The following NTM variants were observed in gnomAD, a reference collection of about 807,000 sequenced individuals.
NTM encodes the protein IgLON family member 2.
NTM carries 13 observed loss-of-function variants against 42.1 expected under a neutral mutation model. That is an observed-to-expected ratio of 0.31 (90% CI 0.20 to 0.49). NTM has a LOEUF of 0.49. Ranked by LOEUF, NTM falls within the 20% of genes least tolerant of loss-of-function variation. The pLI, the probability that NTM is intolerant of heterozygous loss-of-function variation, is 0.99. For missense variants in NTM, 373 were observed against 452.8 expected (o/e 0.82, Z 1.60); for synonymous variants, 187 against 179.2 (o/e 1.04, Z -0.35).
At chr11:131,392,303 A>T (rs1944106592) in intron 1 of NTM, among the ~76,000 whole-genome samples, 1 of 148,298 alleles carries the variant, frequency 6.7e-6, no homozygotes, top group South Asian at 2.1e-4. Flanking sequence ...CCCTGAAGGG[A>T]TGGTAGTCCT....
chr11:131,450,169 T>G (rs902329791), intron 1 of NTM, among the ~76,000 whole-genome samples: 1 of 152,100 alleles, frequency 6.6e-6, no homozygotes, highest in African/African-American at 2.4e-5. Flanking sequence ...AAGACTACAC[T>G]CCCATGTGGG....
At chr11:131,563,709 A>G (rs1368074874) in intron 1 of NTM, among the ~76,000 whole-genome samples, 1 of 151,234 alleles carries the variant, frequency 6.6e-6, no homozygotes, top group Non-Finnish European at 1.5e-5. Flanking sequence ...TAAAAGTTTC[A>G]AACTAATTTA....
At chr11:132,251,543 G>A (rs1478981925) in intron 4 of NTM, among the ~76,000 whole-genome samples, 12 of 152,184 alleles carry the variant, frequency 7.9e-5, no homozygotes, top group Non-Finnish European at 1.5e-4. Flanking sequence ...ATGCGATGAT[G>A]AGCCTACCTA....
chr11:132,241,753 T>A (rs1369661382), intron 4 of NTM, among the ~76,000 whole-genome samples: 1 of 152,238 alleles, frequency 6.6e-6, no homozygotes, highest in Non-Finnish European at 1.5e-5. Context: ...AGTGCACAAT[T>A]ATTTTGCATG....
chr11:131,739,752 G>C (rs915384808), intron 1 of NTM, among the ~76,000 whole-genome samples: 1 of 152,218 alleles, frequency 6.6e-6, no homozygotes. Flanking sequence ...GGACATTCCA[G>C]TGTCACACAA....
At chr11:131,751,414 C>A (rs1268963147) in intron 1 of NTM, among the ~76,000 whole-genome samples, 3 of 152,038 alleles carry the variant, frequency 2.0e-5, no homozygotes, top group Non-Finnish European at 4.4e-5. Context: ...CACGGTGAAA[C>A]CCCGTCTCCA....
chr11:131,570,780 G>A (rs1326987279), intron 1 of NTM, among the ~76,000 whole-genome samples: 1 of 152,194 alleles, frequency 6.6e-6, no homozygotes, highest in East Asian at 1.9e-4. Flanking sequence ...CCAAGATGGC[G>A]CCACTGCACT....
At chr11:131,708,219 T>C (rs1326191189) in intron 1 of NTM, among the ~76,000 whole-genome samples, 3 of 152,096 alleles carry the variant, frequency 2.0e-5, no homozygotes, top group Non-Finnish European at 4.4e-5. Context: ...AAGAACTTCC[T>C]AATAAGAAAA....
At chr11:131,954,140 GA>G (rs1419568677) in intron 2 of NTM, among the ~76,000 whole-genome samples, 3 of 152,238 alleles carry the variant, frequency 2.0e-5, no homozygotes, top group African/African-American at 7.2e-5. Context: ...AACCACCTGA[GA>G]GGATGTCTCC....
At chr11:132,212,834 T>G (rs906898622) in intron 4 of NTM, among the ~76,000 whole-genome samples, 3 of 152,148 alleles carry the variant, frequency 2.0e-5, no homozygotes, top group African/African-American at 7.2e-5. Context: ...AATATTTCAT[T>G]CTTAAATATT....
chr11:132,295,700 T>C (rs1156746680), intron 4 of NTM, among the ~76,000 whole-genome samples: 1 of 152,050 alleles, frequency 6.6e-6, no homozygotes, highest in Non-Finnish European at 1.5e-5. Flanking sequence ...CCAGTGGGTG[T>C]AGGGGGAAGT....
At chr11:131,555,951 T>C (rs1294357317) in intron 1 of NTM, among the ~76,000 whole-genome samples, 1 of 152,154 alleles carries the variant, frequency 6.6e-6, no homozygotes, top group African/African-American at 2.4e-5. Flanking sequence ...ATGCCAACGG[T>C]GCTGCCCTTG....
chr11:131,525,058 G>A (rs4406835), intron 1 of NTM, among the ~76,000 whole-genome samples: 1 of 151,890 alleles, frequency 6.6e-6, no homozygotes, highest in Non-Finnish European at 1.5e-5. Context: ...TAAGGGGGCA[G>A]TAATTACTCA....
chr11:132,095,284 T>C (rs376794266), intron 2 of NTM, among the ~76,000 whole-genome samples: 2 of 152,128 alleles, frequency 1.3e-5, no homozygotes, highest in Admixed American at 6.5e-5. Context: ...AAATCCAGCC[T>C]AGGGCTCTTC....
chr11:131,490,329 A>G (rs1954647410), intron 1 of NTM, among the ~76,000 whole-genome samples: 1 of 152,244 alleles, frequency 6.6e-6, no homozygotes, highest in Non-Finnish European at 1.5e-5. Context: ...GACTTTTGTC[A>G]TGACAGCATG....
chr11:132,062,138 T>C (rs2080780275), intron 2 of NTM, among the ~76,000 whole-genome samples: 1 of 152,172 alleles, frequency 6.6e-6, no homozygotes, highest in Admixed American at 6.5e-5. Flanking sequence ...TTTGCCTCAC[T>C]TGGAAGTAAT....
At position 132,140,801 on chromosome 11, in the gene NTM, G is replaced by C. The variant is rs539728059; in HGVS notation, c.168-5481G>C. ...TGGGTATTTCTGAGCCATTTGCGTC[G>C]TGATGTTCCCCTATGATGCTTGAGG... On this transcript the variant is annotated intron_variant, in intron 2 of 8. Coordinates refer to ENST00000683400, the MANE Select transcript of NTM (RefSeq NM_001352005.2). Among the ~76,000 whole-genome samples the C allele has an allele frequency of 3.3e-5, 5 of 152,324 alleles. No homozygotes were observed. The South Asian group carries it at 1.0e-3, about 32-fold the overall frequency.
intron 4 of NTM, among the ~76,000 whole-genome samples, chr11:132,246,241 C>A (rs1218233410): frequency 2.0e-5 from 3 of 152,376 alleles, no homozygotes; most frequent in African/African-American, 4.8e-5. Context: ...CTCCTCCAAG[C>A]CTGCCCGGTG....
At chr11:131,554,785 C>G (rs927657179) in intron 1 of NTM, among the ~76,000 whole-genome samples, 1 of 152,082 alleles carries the variant, frequency 6.6e-6, no homozygotes, top group Admixed American at 6.5e-5. Flanking sequence ...CCATCCCTTC[C>G]TTTTTGGAGA....
Sources: gnomAD v4.1 joint callset for allele counts (sites outside exome capture counted in the v4.1 genomes callset) on GRCh38, gnomAD v4.1.1 for gene constraint, MANE v1.5 for transcripts, NCBI Gene and HGNC (gene_info 2026-07-23, HGNC 2026-07-21) for gene names.